Variants in PROS1 observed in about 807,000 individuals in gnomAD.
The protein encoded by PROS1 is vitamin K-dependent protein S.
Under a neutral mutation model 75.9 loss-of-function variants are expected in PROS1, and 29 were observed. That is an observed-to-expected ratio of 0.38 (90% CI 0.28 to 0.52). The LOEUF is 0.52. PROS1 is among the 20% of genes least tolerant of loss of function. PROS1 has a pLI of 0.83. For missense variants in PROS1, 680 were observed against 810.3 expected (o/e 0.84, Z 1.95); for synonymous variants, 245 against 280.6 (o/e 0.87, Z 1.27).
intron 3 of PROS1, among the ~76,000 whole-genome samples, chr3:93,911,928 T>C (rs1291386514): frequency 6.6e-6 from 1 of 152,208 alleles, no homozygotes; most frequent in African/African-American, 2.4e-5. Context: ...GAAGGGTATG[T>C]GGAATGGAAG....
At chr3:93,956,553 CACACACACAA>C (rs1264835373) in intron 1 of PROS1, among the ~76,000 whole-genome samples, 11 of 83,466 alleles carry the variant, frequency 1.3e-4, no homozygotes, top group African/African-American at 3.5e-4. Context: ...CACACACACA[CACACACACAA>C]ACACACACAC....
In PROS1 at chr3:93,953,116, C is replaced by T. The variant is rs557808644; in HGVS notation, c.76+20558G>A. On this transcript the variant is annotated intron_variant, in intron 1 of 14. Coordinates refer to ENST00000394236, the MANE Select transcript of PROS1 (RefSeq NM_000313.4). The stretch of plus-strand genomic sequence containing the variant: ...CCTACCAACCAAAAAAAGACCAGAA[C>T]CAGACGGATTCACAGCTGAATTCTA... 2.2e-3 allele frequency among the ~76,000 whole-genome samples: 331 copies of T among 152,238 alleles called. 2 individuals are homozygous for T. Among genetic ancestry groups the T allele is most frequent in the Non-Finnish European group, 3.5e-3 (239 of 67,998 alleles).
At chr3:93,956,496 G>GTCTC (rs1164990087) in intron 1 of PROS1, among the ~76,000 whole-genome samples, 1 of 106,726 alleles carries the variant, frequency 9.4e-6, no homozygotes, top group Non-Finnish European at 2.0e-5. Flanking sequence ...TTCTCTCTCT[G>GTCTC]TCTCTCTCTC....
chr3:93,935,064 A>G (rs539008475), intron 1 of PROS1, among the ~76,000 whole-genome samples: 115 of 152,268 alleles, frequency 7.6e-4, no homozygotes, highest in African/African-American at 2.7e-3. Context: ...GATAGAATAC[A>G]CGGCTTTATT....
At position 93,884,887 on chromosome 3, in the gene PROS1, G is replaced by A. The variant is rs5017719; in HGVS notation, c.1333C>T (p.Arg445Cys). 79 of 1,612,310 alleles carry A rather than the reference G, an allele frequency of 4.9e-5. No individual in the cohort carries two copies. The highest frequency in any genetic ancestry group is 8.0e-5 in the African/African-American group (6 of 74,820). The change falls in exon 12 of 15, where the codon CGT becomes TGT. Residue 445 changes from arginine to cysteine, a missense_variant. Arg to Cys is a radical substitution (Grantham distance 180). Transcript: ENST00000394236. Reference protein sequence around the residue: ...ESELIKPINPRLDGCIRSWNL... With the variant: ...ESELIKPINPCLDGCIRSWNL... Reference sequence around the variant, plus strand: ...CAGCTTCGTATACATCCATCTAGACGAGGGTTAATCTAACAAATTAAAATA... The same window carrying A: ...CAGCTTCGTATACATCCATCTAGACAAGGGTTAATCTAACAAATTAAAATA...
chr3:93,945,314 G>A (rs1238587100), intron 1 of PROS1, among the ~76,000 whole-genome samples: 2 of 152,140 alleles, frequency 1.3e-5, no homozygotes, highest in African/African-American at 4.8e-5. Flanking sequence ...TATGAGGCCA[G>A]CATCATCCTG....
chr3:93,874,757 C>T (rs1387409770), intron 14 of PROS1, among the ~76,000 whole-genome samples: 6 of 152,084 alleles, frequency 3.9e-5, no homozygotes, highest in Non-Finnish European at 7.4e-5. Context: ...ACAGTTTAAG[C>T]ATTGTTAAAT....
chr3:93,956,994 T>C (rs2107253974), intron 1 of PROS1, among the ~76,000 whole-genome samples: 1 of 152,072 alleles, frequency 6.6e-6, no homozygotes, highest in African/African-American at 2.4e-5. Flanking sequence ...AAAATTAACC[T>C]GAGGAAATAA....
chr3:93,968,512 T>C (rs1004977504), intron 1 of PROS1, among the ~76,000 whole-genome samples: 1 of 152,160 alleles, frequency 6.6e-6, no homozygotes, highest in African/African-American at 2.4e-5. Context: ...ACCACCTACT[T>C]TGTGGTACTT....
At chr3:93,881,119 T>C (rs1708270228) in intron 12 of PROS1, among the ~76,000 whole-genome samples, 2 of 152,108 alleles carry the variant, frequency 1.3e-5, no homozygotes, top group South Asian at 2.1e-4. Flanking sequence ...GTTAAGGAAT[T>C]TGAAAACTGA....
chr3:93,956,018 C>T (rs1484897414), intron 1 of PROS1, among the ~76,000 whole-genome samples: 5 of 152,092 alleles, frequency 3.3e-5, no homozygotes, highest in Non-Finnish European at 7.4e-5. Flanking sequence ...CATGGTTTTG[C>T]TTTAATGTAA....
intron 4 of PROS1, among the ~76,000 whole-genome samples, chr3:93,908,139 A>C (rs1708704105): frequency 6.6e-6 from 1 of 152,218 alleles, no homozygotes; most frequent in Non-Finnish European, 1.5e-5. Flanking sequence ...CTCTCAAAAA[A>C]AAAGAAAAAG....
At chr3:93,972,217 A>G (rs1709891471) in intron 1 of PROS1, among the ~76,000 whole-genome samples, 1 of 152,206 alleles carries the variant, frequency 6.6e-6, no homozygotes, top group Non-Finnish European at 1.5e-5. Flanking sequence ...CAAATATTTA[A>G]TTGTCCTAAT....
At chr3:93,951,780 G>C (rs1338798371) in intron 1 of PROS1, among the ~76,000 whole-genome samples, 1 of 152,158 alleles carries the variant, frequency 6.6e-6, no homozygotes, top group Non-Finnish European at 1.5e-5. Context: ...AAAAGACATA[G>C]ACTGGCAAAT....
intron 1 of PROS1, among the ~76,000 whole-genome samples, chr3:93,942,323 T>C (rs1340854272): frequency 6.6e-6 from 1 of 152,204 alleles, no homozygotes; most frequent in Non-Finnish European, 1.5e-5. Context: ...TATCCTGCAC[T>C]ACCATGCTGT....
chr3:93,898,324 G>T, intron 8 of PROS1, 124 bp downstream of exon 8: 3 of 1,143,210 alleles, frequency 2.6e-6, no homozygotes, highest in Non-Finnish European at 3.9e-6. Context: ...CTCATAACCT[G>T]CTTAAAGCTA....
intron 1 of PROS1, among the ~76,000 whole-genome samples, chr3:93,963,292 C>T (rs1238973026): frequency 9.9e-5 from 15 of 152,132 alleles, no homozygotes; most frequent in African/African-American, 2.4e-4. Flanking sequence ...TCATCATAAG[C>T]GGGATGCTGT....
intron 1 of PROS1, among the ~76,000 whole-genome samples, chr3:93,966,452 T>C (rs1709789896): frequency 6.6e-6 from 1 of 152,210 alleles, no homozygotes; most frequent in Admixed American, 6.5e-5. Flanking sequence ...ATCAGTTATG[T>C]TTCCTCTCAA....
chr3:93,971,135 A>G (rs1709874337), intron 1 of PROS1, among the ~76,000 whole-genome samples: 1 of 151,966 alleles, frequency 6.6e-6, no homozygotes, highest in Admixed American at 6.6e-5. Context: ...GGAGGTCAGG[A>G]GTTCAAGACC....
Sources: allele counts gnomAD v4.1 joint callset (sites outside exome capture counted in the v4.1 genomes callset), GRCh38; gene constraint gnomAD v4.1.1; transcripts MANE v1.5; gene names NCBI Gene and HGNC (gene_info 2026-07-23, HGNC 2026-07-21).